The following HDAC9 variants were observed in gnomAD, a reference collection of about 807,000 sequenced individuals.
The protein encoded by HDAC9 is MEF-2 interacting transcription repressor (MITR) protein.
A neutral mutation model predicts 139.4 loss-of-function variants in HDAC9; 41 were observed. The ratio of observed to expected loss-of-function variants is 0.29; its 90% CI spans 0.23 to 0.38. The LOEUF (loss-of-function observed/expected upper bound fraction) is 0.38. Among genes scored for constraint, HDAC9 ranks in the 10% least tolerant of loss-of-function variants. HDAC9 has a pLI of 1.00. For synonymous variants in HDAC9, 517 were observed against 476.2 expected (o/e 1.09, Z -1.12); for missense variants, 1,147 against 1,297.0 (o/e 0.88, Z 1.78).
chr7:18,248,576 G>T (rs1439038424), intron 2 of HDAC9, among the ~76,000 whole-genome samples: 3 of 152,048 alleles, frequency 2.0e-5, no homozygotes, highest in African/African-American at 4.8e-5. Context: ...ATTCCTTCTC[G>T]CATGCTACTC....
chr7:18,812,819 G>A (rs967242500), intron 17 of HDAC9, among the ~76,000 whole-genome samples: 4 of 151,918 alleles, frequency 2.6e-5, no homozygotes, highest in African/African-American at 9.7e-5. Context: ...ACTGGACATT[G>A]AGGACTCTGT....
intron 19 of HDAC9, among the ~76,000 whole-genome samples, chr7:18,834,281 C>A (rs1796063398): frequency 6.6e-6 from 1 of 151,370 alleles, no homozygotes; most frequent in Middle Eastern, 3.4e-3. Flanking sequence ...TAAAGTATAG[C>A]AGTAATATTC....
intron 14 of HDAC9, among the ~76,000 whole-genome samples, chr7:18,759,710 G>T (rs1562920402): frequency 6.6e-6 from 1 of 152,088 alleles, no homozygotes. Flanking sequence ...ATTGGAAACC[G>T]CTGTTCTTAT....
chr7:18,745,589 G>C (rs1430706970), intron 13 of HDAC9, among the ~76,000 whole-genome samples: 1 of 138,192 alleles, frequency 7.2e-6, no homozygotes, highest in Non-Finnish European at 1.5e-5. Flanking sequence ...GCCCAGGCCG[G>C]ACTGCGGACT....
At chr7:18,916,663 T>C (rs1803238045) in intron 22 of HDAC9, among the ~76,000 whole-genome samples, 1 of 151,952 alleles carries the variant, frequency 6.6e-6, no homozygotes, top group Non-Finnish European at 1.5e-5. Flanking sequence ...CACAAATGCT[T>C]TGGATTTAAG....
intron 1 of HDAC9, among the ~76,000 whole-genome samples, chr7:18,140,109 T>C (rs938896548): frequency 3.9e-5 from 6 of 152,180 alleles, no homozygotes; most frequent in Non-Finnish European, 8.8e-5. Flanking sequence ...CATGGCTAGA[T>C]GTAGGTGTTT....
intron 1 of HDAC9, among the ~76,000 whole-genome samples, chr7:18,486,559 G>A (rs1375514759): frequency 1.3e-5 from 2 of 152,028 alleles, no homozygotes; most frequent in Non-Finnish European, 2.9e-5. Flanking sequence ...ATGGCCGTTA[G>A]ACAGAACCAG....
At chr7:18,212,911 T>A (rs1255426395) in intron 2 of HDAC9, among the ~76,000 whole-genome samples, 1 of 152,184 alleles carries the variant, frequency 6.6e-6, no homozygotes, top group Non-Finnish European at 1.5e-5. Flanking sequence ...AAAATAGATT[T>A]CTGGGAGTTC....
At chr7:18,747,022 G>T (rs554479520) in intron 13 of HDAC9, among the ~76,000 whole-genome samples, 1 of 152,152 alleles carries the variant, frequency 6.6e-6, no homozygotes, top group African/African-American at 2.4e-5. Flanking sequence ...CTGGAGTTAT[G>T]GAGGTCAAGA....
chr7:18,586,794 G>A (rs1410581157), intron 3 of HDAC9, among the ~76,000 whole-genome samples: 1 of 152,086 alleles, frequency 6.6e-6, no homozygotes, highest in Admixed American at 6.5e-5. Flanking sequence ...TAAAGTGAGA[G>A]TATTTTCTTT....
chr7:18,247,079 G>T (rs1794597195), intron 2 of HDAC9, among the ~76,000 whole-genome samples: 1 of 151,902 alleles, frequency 6.6e-6, no homozygotes, highest in African/African-American at 2.4e-5. Flanking sequence ...GGAATATAGG[G>T]AATGCTGTTT....
At chr7:18,232,538 A>T (rs531412581) in intron 2 of HDAC9, among the ~76,000 whole-genome samples, 2 of 152,194 alleles carry the variant, frequency 1.3e-5, no homozygotes, top group Non-Finnish European at 2.9e-5. Context: ...TTACTTTTCT[A>T]TCGTAGTTAT....
intron 2 of HDAC9, among the ~76,000 whole-genome samples, chr7:18,258,154 A>G (rs763099799): frequency 3.9e-5 from 6 of 152,230 alleles, no homozygotes; most frequent in Non-Finnish European, 8.8e-5. Flanking sequence ...CTTTGTGAAA[A>G]GGAAATGAAA....
intron 2 of HDAC9, among the ~76,000 whole-genome samples, chr7:18,248,687 T>C (rs1249555986): frequency 6.6e-6 from 1 of 152,174 alleles, no homozygotes; most frequent in Non-Finnish European, 1.5e-5. Context: ...TAAATGATCT[T>C]AGAGGATTGG....
intron 1 of HDAC9, among the ~76,000 whole-genome samples, chr7:18,459,502 A>G (rs988329562): frequency 2.0e-5 from 3 of 151,946 alleles, no homozygotes; most frequent in East Asian, 1.9e-4. Flanking sequence ...TGGGGAAGCA[A>G]TTTTATAACA....
intron 2 of HDAC9, among the ~76,000 whole-genome samples, chr7:18,244,994 CATCTATCTATCT>C (rs1554342548): frequency 1.4e-5 from 2 of 147,960 alleles, no homozygotes; most frequent in Non-Finnish European, 3.0e-5. Context: ...ATCTAATCTG[CATCTATCTATCT>C]ATCTATCTAT....
intron 1 of HDAC9, among the ~76,000 whole-genome samples, chr7:18,120,317 G>T (rs535976220): frequency 2.0e-4 from 31 of 152,292 alleles, no homozygotes; most frequent in African/African-American, 7.5e-4. Flanking sequence ...GAGAAATCCT[G>T]CTTTACAGCT....
At position 18,634,636 on chromosome 7, in the gene HDAC9, T is replaced by A; in HGVS notation, c.806T>A (p.Val269Asp). The change falls in exon 8 of 26, where the codon GTC becomes GAC. Residue 269 changes from valine (V) to aspartate (D), a missense_variant. Val to Asp is a radical substitution (Grantham distance 152). Coordinates refer to ENST00000686413, the MANE Select transcript of HDAC9 (RefSeq NM_178425.4). ...TCACAATATTTTTCAGAATCCTCAG[T>A]CAGTAGCAGTTCTCCAGGCTCTGGT... ...KRMFEVTESS[V>D]SSSSPGSGPS... The A allele has an allele frequency of 6.3e-7, 1 of 1,576,160 alleles. No homozygotes were observed. Among genetic ancestry groups the A allele is most frequent in the Non-Finnish European group, 8.6e-7 (1 of 1,157,854 alleles).
chr7:18,788,570 C>G (rs1366294772), intron 16 of HDAC9, among the ~76,000 whole-genome samples: 1 of 151,984 alleles, frequency 6.6e-6, no homozygotes, highest in African/African-American at 2.4e-5. Context: ...GCCTGGCCAA[C>G]ATGGTGAAAC....
Sources: allele counts gnomAD v4.1 joint callset (sites outside exome capture counted in the v4.1 genomes callset), GRCh38; gene constraint gnomAD v4.1.1; transcripts MANE v1.5; gene names NCBI Gene and HGNC (gene_info 2026-07-23, HGNC 2026-07-21).